TSPAN11: variants seen among roughly 807,000 people sequenced by gnomAD.
TSPAN11 encodes the protein tetraspanin-11.
In TSPAN11, 29 loss-of-function variants were observed where a neutral mutation model predicts 32.9. The observed-to-expected ratio is 0.88, with a 90% CI of 0.66 to 1.20. The LOEUF is 1.20. Among genes scored for constraint, TSPAN11 ranks in the 50% most tolerant of loss-of-function variants. TSPAN11 has a pLI of 0.00. For synonymous variants in TSPAN11, 140 were observed against 141.3 expected, an observed-to-expected ratio of 0.99 and a Z score of 0.07; for missense variants, 283 against 329.1, an observed-to-expected ratio of 0.86 and a Z score of 1.08.
downstream of TSPAN11, chr12:30,997,448 C>A: frequency 6.6e-6 from 1 of 152,550 alleles, no homozygotes; most frequent in South Asian, 2.0e-4. Context: ...GCTGGGAGGC[C>A]TCAGGAAACT....
At chr12:30,967,360 T>A (rs931907305) in intron 3 of TSPAN11, among the ~76,000 whole-genome samples, 1 of 152,220 alleles carries the variant, frequency 6.6e-6, no homozygotes, top group African/African-American at 2.4e-5. Context: ...GTCAGGGCCT[T>A]GTGCTTGCCC....
chr12:30,943,694 G>T (rs192350061), intron 1 of TSPAN11, among the ~76,000 whole-genome samples: 2 of 152,186 alleles, frequency 1.3e-5, no homozygotes, highest in African/African-American at 4.8e-5. Flanking sequence ...CTGAGCTCGG[G>T]ATCCTTTTGG....
chr12:30,984,928 A>G (rs1939171801), intron 7 of TSPAN11, among the ~76,000 whole-genome samples: 1 of 152,168 alleles, frequency 6.6e-6, no homozygotes, highest in Admixed American at 6.5e-5. Context: ...CACACCCTGA[A>G]CCAGCACCCA....
the TSPAN11 span, among the ~76,000 whole-genome samples, chr12:31,007,788 C>G: frequency 6.6e-6 from 1 of 152,198 alleles, no homozygotes; most frequent in Non-Finnish European, 1.5e-5. Flanking sequence ...AATGAACCTG[C>G]CAAGAACTTC....
intron 2 of TSPAN11, among the ~76,000 whole-genome samples, chr12:30,959,802 G>A (rs548119276): frequency 7.0e-4 from 101 of 144,008 alleles, no homozygotes; most frequent in African/African-American, 2.3e-3. Flanking sequence ...AAAAAAAACC[G>A]AGGTGTGGGG....
At chr12:31,010,438 CAG>C in the TSPAN11 span, among the ~76,000 whole-genome samples, 3 of 152,128 alleles carry the variant, frequency 2.0e-5, no homozygotes, top group South Asian at 2.1e-4. Flanking sequence ...GTGGAGTGAA[CAG>C]AGTCATGTGA....
At chr12:30,958,291 C>T (rs1469723989) in intron 2 of TSPAN11, among the ~76,000 whole-genome samples, 1 of 152,100 alleles carries the variant, frequency 6.6e-6, no homozygotes, top group Non-Finnish European at 1.5e-5. Flanking sequence ...AACAAGGATG[C>T]CTCAAAGTGG....
At chr12:30,946,507 A>T (rs1382243879) in intron 1 of TSPAN11, among the ~76,000 whole-genome samples, 1 of 152,202 alleles carries the variant, frequency 6.6e-6, no homozygotes, top group African/African-American at 2.4e-5. Context: ...AGCTCAAGCC[A>T]ACAGGCTCGG....
rs138612065 is a variant in TSPAN11 at position 30,964,208 on chromosome 12, C to T, written c.276+191C>T. Among the ~76,000 whole-genome samples, 702 of 152,234 alleles carry T rather than the reference C, an allele frequency of 4.6e-3. 2 individuals are homozygous for T. Among genetic ancestry groups the T allele is most frequent in the Middle Eastern group, 0.017 (5 of 294 alleles). ...GGTTCTTAGGACCCAAGCAAGCAGG[C>T]GTCTCAGTAGCTGCAGTGGCAGCTC... is the stretch of plus-strand genomic sequence containing the variant. On this transcript the variant is annotated intron_variant, in intron 3 of 7. Transcript: ENST00000546076.
intron 2 of TSPAN11, among the ~76,000 whole-genome samples, chr12:30,962,191 C>G (rs1938625969): frequency 1.3e-5 from 2 of 150,406 alleles, no homozygotes; most frequent in African/African-American, 5.0e-5. Flanking sequence ...GATAGCCACT[C>G]CCATTCTGTT....
At chr12:31,004,037 G>A in the TSPAN11 span, among the ~76,000 whole-genome samples, 1 of 152,198 alleles carries the variant, frequency 6.6e-6, no homozygotes, top group African/African-American at 2.4e-5. Context: ...GGTGGAGGCT[G>A]GAGAAGAGAC....
At chr12:31,015,543 ACTT>A in the TSPAN11 span, 5 of 152,152 alleles carry the variant, frequency 3.3e-5, no homozygotes, top group African/African-American at 1.2e-4. This position sits in a 1 kb window ranked among gnomAD's most constrained non-coding sequence, Gnocchi z 4.9. Flanking sequence ...CACCCTTCTG[ACTT>A]CTTCTTGCTT....
intron 1 of TSPAN11, chr12:30,927,118 C>A: frequency 2.0e-6 from 2 of 1,023,640 alleles, no homozygotes; most frequent in Non-Finnish European, 2.6e-6. Flanking sequence ...GGCCTCGTGC[C>A]GTCCAGCGTG....
chr12:30,951,616 A>G (rs1938383473), intron 1 of TSPAN11, among the ~76,000 whole-genome samples: 1 of 152,212 alleles, frequency 6.6e-6, no homozygotes, highest in Admixed American at 6.5e-5. Context: ...GACCGAAATA[A>G]TGAGTGTAAA....
the TSPAN11 span, among the ~76,000 whole-genome samples, chr12:31,001,890 G>T: frequency 6.6e-6 from 1 of 152,140 alleles, no homozygotes; most frequent in Non-Finnish European, 1.5e-5. Flanking sequence ...GTGTGACTGG[G>T]GCCCAGTGCT....
intron 7 of TSPAN11, among the ~76,000 whole-genome samples, chr12:30,986,267 C>T (rs1939199091): frequency 6.6e-6 from 1 of 152,204 alleles, no homozygotes; most frequent in African/African-American, 2.4e-5. Flanking sequence ...AGTTACAGGG[C>T]CTGATTTCTA....
chr12:30,973,268 C>T (rs1938890303), intron 3 of TSPAN11, among the ~76,000 whole-genome samples: 1 of 152,212 alleles, frequency 6.6e-6, no homozygotes, highest in African/African-American at 2.4e-5. Flanking sequence ...TGCTCGTGCC[C>T]ATGTGGCAAT....
chr12:30,969,685 C>T (rs1674034287), intron 3 of TSPAN11, among the ~76,000 whole-genome samples: 1 of 152,180 alleles, frequency 6.6e-6, no homozygotes, highest in South Asian at 2.1e-4. Flanking sequence ...CCACCACCTC[C>T]CTCCGATTTT....
intron 1 of TSPAN11, among the ~76,000 whole-genome samples, chr12:30,947,815 GC>G (rs1440953481): frequency 6.6e-6 from 1 of 152,100 alleles, no homozygotes; most frequent in Admixed American, 6.5e-5. Context: ...AACCAATCAT[GC>G]CTTCCCATCC....
Sources: gnomAD v4.1 joint callset for allele counts (sites outside exome capture counted in the v4.1 genomes callset) on GRCh38, gnomAD v4.1.1 for gene constraint, Gnocchi (gnomAD v3.1) non-coding constraint, MANE v1.5 for transcripts, NCBI Gene and HGNC (gene_info 2026-07-23, HGNC 2026-07-21) for gene names.